The following NFATC1 variants were observed in gnomAD, a reference collection of about 807,000 sequenced individuals.
NFATC1 encodes the protein nuclear factor of activated T cells 1, also known as nuclear factor of activated T-cells, cytoplasmic 1.
In NFATC1, 22 loss-of-function variants were observed where a neutral mutation model predicts 76.0. The ratio of observed to expected loss-of-function variants is 0.29; its 90% confidence interval spans 0.21 to 0.41. The LOEUF (loss-of-function observed/expected upper bound fraction) is 0.41, where lower values mean the gene tolerates loss of function less well. Ranked by LOEUF, NFATC1 falls within the 10% of genes least tolerant of loss-of-function variation. The pLI, the probability that NFATC1 is intolerant of heterozygous loss-of-function variation, is 1.00. For synonymous variants in NFATC1, 704 were observed against 613.1 expected (o/e 1.15, Z -2.19); for missense variants, 1,357 against 1,337.7 (o/e 1.01, Z -0.23).
In NFATC1 at chr18:79,402,209, C is replaced by T. The variant is rs528676062; in HGVS notation, c.127+5858C>T. 124 of 443,060 alleles carry T rather than the reference C, an allele frequency of 2.8e-4. 1 individual carries two copies. Among genetic ancestry groups the T allele is most frequent in the East Asian group, 7.9e-4 (5 of 6,326 alleles). 27.4% of individuals were successfully genotyped at this position (443,060 alleles called of 1,614,324 possible). A position where few individuals can be genotyped will look rare whatever the true frequency, so the allele number is the denominator to read the frequency against. ...CTGCACAGGTAACTCCAGGCTTATC[C>T]GGGAAGACGCACAGGAGGCCAGTCT... On this transcript the variant is annotated intron_variant, in intron 1 of 9. Transcript: ENST00000427363.
chr18:79,492,708 CAA>C (rs71338048), intron 9 of NFATC1, among the ~76,000 whole-genome samples: 12 of 118,820 alleles, frequency 1.0e-4, no homozygotes, highest in Admixed American at 1.7e-4. Context: ...GACTCCATCT[CAA>C]AAAAAAAAAA....
At chr18:79,426,847 T>TGGCCCCA (rs2086355067) in intron 2 of NFATC1, among the ~76,000 whole-genome samples, 2 of 152,154 alleles carry the variant, frequency 1.3e-5, no homozygotes, top group Non-Finnish European at 1.5e-5. Flanking sequence ...CACCATGCCC[T>TGGCCCCA]GGCCCCAGGC....
intron 3 of NFATC1, among the ~76,000 whole-genome samples, chr18:79,443,503 G>A (rs573340385): frequency 2.6e-5 from 4 of 152,202 alleles, no homozygotes; most frequent in Admixed American, 6.5e-5. Flanking sequence ...GCCTGGAGCC[G>A]TCCCTCGGGG....
Position 79,433,856 on chromosome 18 carries a change from G to A in NFATC1, c.1386+118G>A, listed in dbSNP as rs114875635. The A allele has an allele frequency of 5.3e-3, 6,989 of 1,322,752 alleles. 249 individuals are homozygous for A. In the African/African-American group the frequency reaches 0.086, roughly 16 times the overall value. 81.9% of individuals were successfully genotyped at this position (1,322,752 alleles called of 1,614,324 possible). A position where few individuals can be genotyped will look rare whatever the true frequency, so the allele number is the denominator to read the frequency against. ...AGCCAGGCCAGCTGAATGCTCTGTCGTGGTTAGTCCCGGGCGGCTGCTCAC... is the reference window on the plus strand; with the variant it reads ...AGCCAGGCCAGCTGAATGCTCTGTCATGGTTAGTCCCGGGCGGCTGCTCAC... On this transcript the variant is annotated intron_variant, in intron 3 of 9. Coordinates refer to ENST00000427363, the MANE Select transcript of NFATC1 (RefSeq NM_001278669.2).
At chr18:79,521,113 G>C (rs2090541792) in intron 9 of NFATC1, among the ~76,000 whole-genome samples, 1 of 111,862 alleles carries the variant, frequency 8.9e-6, no homozygotes, top group Non-Finnish European at 1.9e-5. Context: ...GTGTGTGTGT[G>C]GGGGGCGTCT....
intron 9 of NFATC1, among the ~76,000 whole-genome samples, chr18:79,495,123 T>C (rs1259181785): frequency 6.6e-6 from 1 of 152,230 alleles, no homozygotes; most frequent in Non-Finnish European, 1.5e-5. Context: ...TCTCTAAAAA[T>C]AGGGGCTGCA....
intron 9 of NFATC1, 131 bp downstream of exon 9, chr18:79,487,068 G>A: frequency 9.3e-7 from 1 of 1,079,538 alleles, no homozygotes; most frequent in South Asian, 1.7e-5. Context: ...GGTGTGGGGT[G>A]CGTCCTCCTG....
intron 9 of NFATC1, chr18:79,527,199 TG>T: frequency 3.8e-6 from 1 of 264,294 alleles, no homozygotes; most frequent in Non-Finnish European, 7.4e-6. Context: ...TGTGGACCTG[TG>T]GGTCGCTTGG....
chr18:79,411,915 G>A (rs568829030), intron 2 of NFATC1, among the ~76,000 whole-genome samples: 1 of 152,330 alleles, frequency 6.6e-6, no homozygotes, highest in South Asian at 2.1e-4. Context: ...CTTCCTCGGG[G>A]AATTGCACGT....
chr18:79,496,707 C>T (rs991748513), intron 9 of NFATC1: 2 of 152,308 alleles, frequency 1.3e-5, no homozygotes, highest in South Asian at 2.1e-4. Flanking sequence ...TGAGGTCGCA[C>T]ATCCTTGCCA....
rs1230752903 is a variant in NFATC1, at chr18:79,455,762, C to T, written c.1903+3946C>T. Among the ~76,000 whole-genome samples the T allele has an allele frequency of 3.9e-4, 4 of 10,182 alleles. No homozygotes were observed. In the Admixed American group the frequency reaches 4.9e-3, roughly 13 times the overall value. The allele number at this position is 10,182 out of a possible 152,430, so 6.7% of individuals were successfully genotyped here. A position where few individuals can be genotyped will look rare whatever the true frequency, so the allele number is the denominator to read the frequency against. Reference sequence around the variant, plus strand: ...CCCCCCATCTCACGGCCGCCCCATCCCACGGCCGCCCCATCCCACGGCCGC... The same window carrying T: ...CCCCCCATCTCACGGCCGCCCCATCTCACGGCCGCCCCATCCCACGGCCGC... On this transcript the variant is annotated intron_variant, in intron 6 of 9. Coordinates refer to ENST00000427363, the MANE Select transcript of NFATC1 (RefSeq NM_001278669.2).
At chr18:79,401,854 A>G (rs371056107) in intron 1 of NFATC1, among the ~76,000 whole-genome samples, 1 of 152,138 alleles carries the variant, frequency 6.6e-6, no homozygotes, top group Non-Finnish European at 1.5e-5. Context: ...CGACAGGCCC[A>G]GTGCTGCCAG....
At chr18:79,520,054 C>G (rs1037270973) in intron 9 of NFATC1, among the ~76,000 whole-genome samples, 1 of 152,134 alleles carries the variant, frequency 6.6e-6, no homozygotes, top group Non-Finnish European at 1.5e-5. Flanking sequence ...GGAGAGGGGG[C>G]GTTTTGACCG....
At chr18:79,455,506 C>T (rs1452405364) in intron 6 of NFATC1, among the ~76,000 whole-genome samples, 1 of 152,210 alleles carries the variant, frequency 6.6e-6, no homozygotes, top group African/African-American at 2.4e-5. Flanking sequence ...TGTGCCAGGG[C>T]TCCTAGGCCC....
chr18:79,460,218 G>T (rs2087990339), intron 6 of NFATC1, among the ~76,000 whole-genome samples: 1 of 152,196 alleles, frequency 6.6e-6, no homozygotes, highest in Admixed American at 6.5e-5. Context: ...CAGAGAAAAA[G>T]GAGATTTTGT....
chr18:79,492,717 A>T (rs2089718345), intron 9 of NFATC1, among the ~76,000 whole-genome samples: 1 of 150,054 alleles, frequency 6.7e-6, no homozygotes, highest in African/African-American at 2.5e-5. Context: ...TCAAAAAAAA[A>T]AAAAAGATTA....
At chr18:79,426,508 A>G (rs2086340302) in intron 2 of NFATC1, among the ~76,000 whole-genome samples, 1 of 152,178 alleles carries the variant, frequency 6.6e-6, no homozygotes, top group Non-Finnish European at 1.5e-5. Flanking sequence ...CCGTGTCGGG[A>G]CTCGCAGGGC....
Position 79,528,627 on chromosome 18 carries a change from A to C in NFATC1, c.*1050A>C, listed in dbSNP as rs1458680259. 1 of 152,250 alleles carries C rather than the reference A, an allele frequency of 6.6e-6. No homozygotes were observed. The highest frequency in any genetic ancestry group is 1.5e-5 in the Non-Finnish European group (1 of 68,048). The allele number at this position is 152,250 out of a possible 1,614,324, so 9.4% of individuals were successfully genotyped here. On this transcript the variant is annotated 3_prime_UTR_variant, in exon 10 of 10. Coordinates refer to ENST00000427363, the MANE Select transcript of NFATC1 (RefSeq NM_001278669.2). ...TAGGTTACCAGACGGCAACATTAGA[A>C]AGTGATTGTAAATAACATGCAACCT...
chr18:79,429,220 CA>C (rs397858514), intron 2 of NFATC1, among the ~76,000 whole-genome samples: 23,844 of 96,512 alleles, frequency 0.25, 1,798 homozygotes, highest in South Asian at 0.32. Flanking sequence ...GACTCCGTCT[CA>C]AAAAAAAAAA....
Sources: allele counts gnomAD v4.1 joint callset (sites outside exome capture counted in the v4.1 genomes callset), GRCh38; gene constraint gnomAD v4.1.1; transcripts MANE v1.5; gene names NCBI Gene and HGNC (gene_info 2026-07-23, HGNC 2026-07-21).